Variants in CDH12 observed in about 807,000 individuals in gnomAD.
The protein encoded by CDH12 is cadherin 12.
CDH12 carries 41 observed loss-of-function variants against 74.1 expected under a neutral mutation model. The ratio of observed to expected loss-of-function variants is 0.55; its 90% CI spans 0.43 to 0.72. CDH12 has a LOEUF of 0.72. Ranked by LOEUF, CDH12 falls within the 30% of genes least tolerant of loss-of-function variation. The pLI is 0.00. For synonymous variants in CDH12, 399 were observed against 355.0 expected (o/e 1.12, Z -1.39); for missense variants, 945 against 977.2 (o/e 0.97, Z 0.44).
At chr5:22,522,801 T>C (rs550859926) in intron 1 of CDH12, among the ~76,000 whole-genome samples, 41 of 152,310 alleles carry the variant, frequency 2.7e-4, no homozygotes, top group African/African-American at 9.4e-4. Flanking sequence ...TGATTTTGTG[T>C]TCTGTCATTC....
chr5:22,492,858 C>T (rs1441674558), intron 2 of CDH12, among the ~76,000 whole-genome samples: 1 of 152,044 alleles, frequency 6.6e-6, no homozygotes, highest in Non-Finnish European at 1.5e-5. Context: ...GTTTTATAAT[C>T]CTGCCATTTC....
intron 2 of CDH12, among the ~76,000 whole-genome samples, chr5:22,420,336 T>C (rs1295563325): frequency 6.6e-6 from 1 of 152,214 alleles, no homozygotes. Context: ...AATCCATTTT[T>C]AGTTAATTTT....
intron 4 of CDH12, among the ~76,000 whole-genome samples, chr5:22,086,174 T>C (rs1743053639): frequency 6.6e-6 from 1 of 152,178 alleles, no homozygotes; most frequent in Admixed American, 6.5e-5. Context: ...CTAATTCTTA[T>C]CAGCAAAACA....
At chr5:22,798,985 T>C (rs1489054808) in intron 1 of CDH12, among the ~76,000 whole-genome samples, 1 of 152,010 alleles carries the variant, frequency 6.6e-6, no homozygotes, top group Non-Finnish European at 1.5e-5. Flanking sequence ...GGTGTGGCAG[T>C]GCATACCTGT....
chr5:22,100,682 C>CACACACAA (rs1332326506), intron 4 of CDH12, among the ~76,000 whole-genome samples: 1 of 151,720 alleles, frequency 6.6e-6, no homozygotes, highest in Non-Finnish European at 1.5e-5. Flanking sequence ...CACACACACA[C>CACACACAA]ACACATACAC....
chr5:22,305,481 G>A (rs1024838810), intron 3 of CDH12, among the ~76,000 whole-genome samples: 1 of 152,202 alleles, frequency 6.6e-6, no homozygotes, highest in Admixed American at 6.5e-5. Flanking sequence ...ACTGGTTGAA[G>A]TGCCACGCTG....
intron 3 of CDH12, among the ~76,000 whole-genome samples, chr5:22,263,335 A>G (rs1753590772): frequency 6.6e-6 from 1 of 152,150 alleles, no homozygotes; most frequent in South Asian, 2.1e-4. Flanking sequence ...ATAACAGAAA[A>G]AATAAAAATA....
At chr5:22,423,958 C>A (rs566223352) in intron 2 of CDH12, among the ~76,000 whole-genome samples, 5,329 of 142,214 alleles carry the variant, frequency 0.037, 341 homozygotes, top group African/African-American at 0.14. Context: ...AGCCGAGATC[C>A]CGCCACTGCA....
intron 3 of CDH12, among the ~76,000 whole-genome samples, chr5:22,239,697 T>C (rs1040703248): frequency 2.6e-5 from 4 of 152,146 alleles, no homozygotes; most frequent in African/African-American, 9.7e-5. Flanking sequence ...AAAAGAAACA[T>C]ACTATTTCAG....
chr5:22,043,967 G>C (rs1179253941), intron 5 of CDH12, among the ~76,000 whole-genome samples: 8 of 152,070 alleles, frequency 5.3e-5, no homozygotes, highest in African/African-American at 1.9e-4. Flanking sequence ...AATACCCCAT[G>C]TTCATGGATT....
At chr5:22,497,543 T>C (rs1424322364) in intron 2 of CDH12, among the ~76,000 whole-genome samples, 1 of 151,562 alleles carries the variant, frequency 6.6e-6, no homozygotes, top group Admixed American at 6.6e-5. Flanking sequence ...GCCTCTATAG[T>C]GCACTATCAA....
At chr5:22,760,903 CA>C (rs1419158748) in intron 1 of CDH12, among the ~76,000 whole-genome samples, 1 of 151,906 alleles carries the variant, frequency 6.6e-6, no homozygotes, top group African/African-American at 2.4e-5. Flanking sequence ...ACAACATGCA[CA>C]AAAAAACCCC....
intron 3 of CDH12, among the ~76,000 whole-genome samples, chr5:22,359,793 A>T (rs1283703118): frequency 3.3e-5 from 5 of 152,314 alleles, no homozygotes; most frequent in Non-Finnish European, 5.9e-5. Context: ...AAACCACTCA[A>T]CTACATGGAA....
intron 1 of CDH12, among the ~76,000 whole-genome samples, chr5:22,586,331 C>A (rs569682409): frequency 2.4e-3 from 369 of 151,878 alleles, no homozygotes; most frequent in African/African-American, 7.0e-3. Context: ...CACACTGGGG[C>A]CTGTTGTGGG....
At chr5:22,420,939 CT>C (rs1743624188) in intron 2 of CDH12, among the ~76,000 whole-genome samples, 1 of 152,006 alleles carries the variant, frequency 6.6e-6, no homozygotes, top group East Asian at 1.9e-4. Flanking sequence ...GTATTTTATT[CT>C]TTTTGTAGCA....
intron 3 of CDH12, among the ~76,000 whole-genome samples, chr5:22,258,424 A>G (rs1753395932): frequency 6.6e-6 from 1 of 152,152 alleles, no homozygotes; most frequent in South Asian, 2.1e-4. Flanking sequence ...GCACAGGGCT[A>G]GCCTGGCCTC....
intron 1 of CDH12, among the ~76,000 whole-genome samples, chr5:22,506,404 A>C (rs900213240): frequency 6.6e-6 from 1 of 152,002 alleles, no homozygotes; most frequent in Non-Finnish European, 1.5e-5. Context: ...ACAATACTAC[A>C]CTGTTTATTT....
chr5:22,505,048 A>C (rs939110986), intron 2 of CDH12, among the ~76,000 whole-genome samples: 3 of 151,906 alleles, frequency 2.0e-5, no homozygotes, highest in Non-Finnish European at 4.4e-5. Context: ...ATAATTATAA[A>C]AATAAAGAAT....
At chr5:22,755,925 C>A (rs1745874474) in intron 1 of CDH12, among the ~76,000 whole-genome samples, 1 of 151,794 alleles carries the variant, frequency 6.6e-6, no homozygotes, top group East Asian at 1.9e-4. Context: ...AATGTATCTA[C>A]AGGGGAAATT....
Sources: allele counts gnomAD v4.1 joint callset (sites outside exome capture counted in the v4.1 genomes callset), GRCh38; gene constraint gnomAD v4.1.1; transcripts MANE v1.5; gene names NCBI Gene and HGNC (gene_info 2026-07-23, HGNC 2026-07-21).